The following CCSER1 variants were observed in gnomAD, a reference collection of about 807,000 sequenced individuals.
CCSER1 encodes coiled-coil serine rich protein 1.
CCSER1 carries 41 observed loss-of-function variants against 82.0 expected under a neutral mutation model. The observed-to-expected ratio is 0.50, with a 90% CI of 0.39 to 0.65. The LOEUF (loss-of-function observed/expected upper bound fraction) is 0.65. Among genes scored for constraint, CCSER1 ranks in the 30% least tolerant of loss-of-function variants. CCSER1 has a pLI of 0.00. For missense variants in CCSER1, 1,119 were observed against 1,064.2 expected (o/e 1.05, Z -0.72); for synonymous variants, 414 against 383.9 (o/e 1.08, Z -0.92).
chr4:90,437,998 C>T lies in CCSER1; in HGVS notation c.1604-30236C>T, dbSNP rs567811250. 3.3e-5 allele frequency among the ~76,000 whole-genome samples: 5 copies of T among 152,164 alleles called. No homozygotes were observed. The East Asian group carries it at 5.8e-4, about 18-fold the overall frequency. On this transcript the variant is annotated intron_variant, in intron 4 of 10. Coordinates refer to ENST00000509176, the MANE Select transcript of CCSER1 (RefSeq NM_001145065.2). The stretch of plus-strand genomic sequence containing the variant: ...GTTTACCACTTAGTAGCTGTGTGAA[C>T]ATTTTATCTACATCTCCACAGTTCT...
At chr4:91,080,429 T>G (rs1342973211) in intron 9 of CCSER1, among the ~76,000 whole-genome samples, 10 of 151,918 alleles carry the variant, frequency 6.6e-5, no homozygotes, top group Non-Finnish European at 1.0e-4. Context: ...TGTGTAGAGG[T>G]AAATTAATAG....
At chr4:91,319,830 G>A in intron 10 of CCSER1, 1 of 404,774 alleles carries the variant, frequency 2.5e-6, no homozygotes, top group Non-Finnish European at 4.9e-6. Context: ...CAGAAATACA[G>A]TAGTTCCCCC....
At chr4:90,685,597 C>T (rs931122039) in intron 6 of CCSER1, among the ~76,000 whole-genome samples, 1 of 152,084 alleles carries the variant, frequency 6.6e-6, no homozygotes, top group African/African-American at 2.4e-5. Context: ...ATGTAAGACC[C>T]TCAGCTCAAG....
At chr4:90,970,674 A>G (rs773213062) in intron 9 of CCSER1, among the ~76,000 whole-genome samples, 1 of 152,046 alleles carries the variant, frequency 6.6e-6, no homozygotes, top group Non-Finnish European at 1.5e-5. Context: ...CTTTCAAGAT[A>G]GATTATATGT....
chr4:90,707,840 G>A (rs569651658), intron 6 of CCSER1, among the ~76,000 whole-genome samples: 2 of 152,128 alleles, frequency 1.3e-5, no homozygotes, highest in Non-Finnish European at 1.5e-5. Context: ...TAGTTGTAAC[G>A]AGTAGGCCTC....
intron 10 of CCSER1, among the ~76,000 whole-genome samples, chr4:91,342,400 G>A (rs761734547): frequency 2.6e-4 from 39 of 152,066 alleles, no homozygotes; most frequent in Non-Finnish European, 5.1e-4. Flanking sequence ...GGATACTTTG[G>A]TTTGTATGTA....
chr4:91,295,324 C>T (rs1214849611), intron 10 of CCSER1, among the ~76,000 whole-genome samples: 3 of 151,640 alleles, frequency 2.0e-5, no homozygotes, highest in African/African-American at 7.3e-5. Flanking sequence ...CTTCTTGTAT[C>T]AGAAAGTGAG....
chr4:90,156,779 G>C (rs992907821), intron 1 of CCSER1, among the ~76,000 whole-genome samples: 1 of 147,268 alleles, frequency 6.8e-6, no homozygotes, highest in South Asian at 2.3e-4. Context: ...CTGCACATGA[G>C]ATGGGTTTCC....
intron 1 of CCSER1, among the ~76,000 whole-genome samples, chr4:90,162,676 T>A (rs1729677299): frequency 6.6e-6 from 1 of 152,052 alleles, no homozygotes; most frequent in Admixed American, 6.6e-5. Context: ...CAATGAGTCA[T>A]AAATAAGCTA....
chr4:90,712,228 TG>T (rs1740748837), intron 6 of CCSER1, among the ~76,000 whole-genome samples: 1 of 152,034 alleles, frequency 6.6e-6, no homozygotes, highest in African/African-American at 2.4e-5. Flanking sequence ...CTTTTACTTG[TG>T]ATATTAGGTT....
intron 10 of CCSER1, among the ~76,000 whole-genome samples, chr4:91,484,448 A>G (rs1241077467): frequency 6.6e-6 from 1 of 152,204 alleles, no homozygotes; most frequent in Non-Finnish European, 1.5e-5. Flanking sequence ...TTTACTAAAC[A>G]AAATCAACAA....
chr4:91,500,145 G>C (rs11731642), intron 10 of CCSER1, among the ~76,000 whole-genome samples: 1 of 151,652 alleles, frequency 6.6e-6, no homozygotes, highest in African/African-American at 2.4e-5. Context: ...TTGTGTTGTA[G>C]GCGTTTTGGA....
chr4:91,596,154 T>G (rs1444614309), intron 10 of CCSER1, among the ~76,000 whole-genome samples: 1 of 152,070 alleles, frequency 6.6e-6, no homozygotes, highest in African/African-American at 2.4e-5. Context: ...TGAGGCTGCC[T>G]GTGTGACTGA....
At chr4:91,469,035 G>A (rs889211240) in intron 10 of CCSER1, among the ~76,000 whole-genome samples, 11 of 152,084 alleles carry the variant, frequency 7.2e-5, no homozygotes, top group Non-Finnish European at 1.3e-4. Flanking sequence ...TATTAGAAAA[G>A]TGAAAAGAAA....
At chr4:90,182,878 A>T (rs1230729029) in intron 1 of CCSER1, among the ~76,000 whole-genome samples, 1 of 151,842 alleles carries the variant, frequency 6.6e-6, no homozygotes, top group Non-Finnish European at 1.5e-5. Flanking sequence ...TATTACCTTT[A>T]TTTTTTTACT....
rs535306629 is a variant in CCSER1, at chr4:90,419,077, G to C, written c.1603+18948G>C. Among the ~76,000 whole-genome samples, 3 of 152,086 alleles carry C rather than the reference G, an allele frequency of 2.0e-5. No homozygotes were observed. The East Asian group carries it at 5.8e-4, about 29-fold the overall frequency. On this transcript the variant is annotated intron_variant, in intron 4 of 10. Transcript: ENST00000509176. ...TATGTGGCTTTGATACCCACTTACTGTTTCCACTATAAAAGCTCTCAATGA... is the reference window on the plus strand; with the variant it reads ...TATGTGGCTTTGATACCCACTTACTCTTTCCACTATAAAAGCTCTCAATGA...
chr4:90,255,471 G>A (rs758841591), intron 1 of CCSER1, among the ~76,000 whole-genome samples: 50 of 152,082 alleles, frequency 3.3e-4, no homozygotes, highest in Non-Finnish European at 5.6e-4. Context: ...TAGAAATACA[G>A]ATTGTTATAA....
chr4:90,424,093 A>C (rs1055209831), intron 4 of CCSER1, among the ~76,000 whole-genome samples: 2 of 150,842 alleles, frequency 1.3e-5, no homozygotes, highest in African/African-American at 4.8e-5. Flanking sequence ...TCTGTCTCAA[A>C]AAAAAAAAAA....
chr4:90,270,188 A>G (rs1386666976), intron 1 of CCSER1, among the ~76,000 whole-genome samples: 1 of 152,116 alleles, frequency 6.6e-6, no homozygotes, highest in Non-Finnish European at 1.5e-5. Flanking sequence ...CATTACCTCA[A>G]TACCAAAACC....
Sources: gnomAD v4.1 joint callset for allele counts (sites outside exome capture counted in the v4.1 genomes callset) on GRCh38, gnomAD v4.1.1 for gene constraint, MANE v1.5 for transcripts, NCBI Gene and HGNC (gene_info 2026-07-23, HGNC 2026-07-21) for gene names.